Variants in STK24 observed in about 807,000 individuals in gnomAD.
STK24 encodes the protein serine/threonine-protein kinase 24.
STK24 carries 21 observed loss-of-function variants against 55.6 expected under a neutral mutation model. The observed-to-expected ratio is 0.38, with a 90% CI of 0.27 to 0.54. The LOEUF is 0.54. Ranked by LOEUF, STK24 falls within the 20% of genes least tolerant of loss-of-function variation. The pLI, the probability that STK24 is intolerant of heterozygous loss-of-function variation, is 0.79. For synonymous variants in STK24, 200 were observed against 215.2 expected (o/e 0.93, Z 0.62); for missense variants, 383 against 538.4 (o/e 0.71, Z 2.86).
chr13:98,545,727 T>C lies in STK24; in HGVS notation c.43-26254A>G, dbSNP rs11841037. 3.0e-3 allele frequency among the ~76,000 whole-genome samples: 453 copies of C among 151,460 alleles called. 2 individuals carry two copies. The highest frequency in any genetic ancestry group is 0.01 in the African/African-American group (416 of 41,262). ...TCAGTCAGTGATTAGACAACTCAAATCCATTACCCTAAATCAATATGGATA... is the reference window on the plus strand; with the variant it reads ...TCAGTCAGTGATTAGACAACTCAAACCCATTACCCTAAATCAATATGGATA... On this transcript the variant is annotated intron_variant, in intron 1 of 10. Transcript: ENST00000539966.
At chr13:98,496,464 G>C (rs1345634765) in intron 2 of STK24, among the ~76,000 whole-genome samples, 1 of 152,204 alleles carries the variant, frequency 6.6e-6, no homozygotes, top group Non-Finnish European at 1.5e-5. Context: ...CTGGGCCCCG[G>C]TGGGCTGTGG....
intron 9 of STK24, 73 bp downstream of exon 9, chr13:98,460,299 A>T (rs1411486885): frequency 7.2e-7 from 1 of 1,385,950 alleles, no homozygotes; most frequent in African/African-American, 1.4e-5. Context: ...AACTGGCAAC[A>T]TCACCACTGA....
intron 2 of STK24, among the ~76,000 whole-genome samples, chr13:98,502,679 C>T (rs940170464): frequency 4.6e-5 from 7 of 152,188 alleles, no homozygotes; most frequent in Non-Finnish European, 7.3e-5. Context: ...CTTCCCACCA[C>T]GTCATGACAC....
At chr13:98,497,543 A>T (rs903726946) in intron 2 of STK24, among the ~76,000 whole-genome samples, 2 of 152,148 alleles carry the variant, frequency 1.3e-5, no homozygotes, top group African/African-American at 2.4e-5. Context: ...CCAATCTCAC[A>T]CTGCTTACCT....
At position 98,576,674 on chromosome 13, in the gene STK24, G is replaced by A. The variant is rs1261655466; in HGVS notation, c.42+71C>T. 4.5e-6 allele frequency: 6 copies of A among 1,327,386 alleles called. No homozygotes were observed. In the South Asian group the frequency reaches 5.3e-5, roughly 12 times the overall value. The allele number at this position is 1,327,386 out of a possible 1,614,324, so 82.2% of individuals were successfully genotyped here. A position where few individuals can be genotyped will look rare whatever the true frequency, so the allele number is the denominator to read the frequency against. On this transcript the variant is annotated intron_variant, in intron 1 of 10. Coordinates refer to ENST00000539966, the MANE Select transcript of STK24 (RefSeq NM_001032296.4). ...GGCCGGCTGAGCGTAGGGGGACGCC[G>A]TGTGGATACCGCCAAGTTGCTGCTT...
At chr13:98,546,871 T>C (rs1187172601) in intron 1 of STK24, among the ~76,000 whole-genome samples, 2 of 151,144 alleles carry the variant, frequency 1.3e-5, no homozygotes, top group Admixed American at 1.3e-4. Context: ...TGAACATCTG[T>C]GTTCCCCCTT....
intron 3 of STK24, among the ~76,000 whole-genome samples, chr13:98,476,176 A>C (rs2139289976): frequency 6.6e-6 from 1 of 152,262 alleles, no homozygotes; most frequent in Non-Finnish European, 1.5e-5. Context: ...TCAGGTATCC[A>C]CATCTCCATT....
chr13:98,478,030 C>G (rs1480489592), intron 3 of STK24, among the ~76,000 whole-genome samples: 1 of 152,196 alleles, frequency 6.6e-6, no homozygotes, highest in Non-Finnish European at 1.5e-5. Flanking sequence ...AGAGATAAAA[C>G]TCTCCTTACT....
chr13:98,556,711 G>C (rs893746417), intron 1 of STK24, among the ~76,000 whole-genome samples: 2 of 152,132 alleles, frequency 1.3e-5, no homozygotes, highest in African/African-American at 4.8e-5. Flanking sequence ...AACTCACCTA[G>C]AGGCTTCTAC....
rs781173575 is a variant in STK24, at chr13:98,475,295, G to A, written c.394C>T (p.Leu132Phe). ...TTCTTCTCCGAATGGAGATAATCGA[G>A]TCCTTTCAGTATTTCTCTTAATATA... ...ATILREILKG[L>F]DYLHSEKKIH... Residue 132 changes from leucine to phenylalanine, a missense_variant, in exon 4 of 11, where the codon CTC (leucine) becomes TTC (phenylalanine). Leu to Phe is a conservative substitution (Grantham distance 22). Transcript: ENST00000539966. 3.7e-6 allele frequency: 6 copies of A among 1,613,870 alleles called. No individual in the cohort carries two copies. The highest frequency in any genetic ancestry group is 5.1e-6 in the Non-Finnish European group (6 of 1,179,898).
At chr13:98,523,900 G>A (rs766852410) in intron 1 of STK24, among the ~76,000 whole-genome samples, 8 of 152,164 alleles carry the variant, frequency 5.3e-5, no homozygotes, top group Non-Finnish European at 8.8e-5. Flanking sequence ...TTGACTCTAG[G>A]TCAGAACTGC....
At chr13:98,460,214 T>TGCTGAC (rs1566344509) in intron 9 of STK24, among the ~76,000 whole-genome samples, 158 bp downstream of exon 9, 2 of 151,460 alleles carry the variant, frequency 1.3e-5, no homozygotes, top group African/African-American at 4.9e-5. Flanking sequence ...CGCAAGGTGG[T>TGCTGAC]GCTGACAGCC....
chr13:98,518,463 C>T (rs572801926), intron 2 of STK24, among the ~76,000 whole-genome samples: 1 of 152,260 alleles, frequency 6.6e-6, no homozygotes, highest in Admixed American at 6.5e-5. Context: ...TATTTCAGAG[C>T]GTTTTTTTCC....
chr13:98,448,388 G>A lies in STK24; in HGVS notation c.*4785C>T, dbSNP rs1396124467. On this transcript the variant is annotated 3_prime_UTR_variant, in exon 11 of 11. Coordinates refer to ENST00000539966, the MANE Select transcript of STK24 (RefSeq NM_001032296.4). Reference sequence around the variant, plus strand: ...GTTTCCTTTCTTCTGTATTAATGAAGCCTGGTAAAATTAACACCTGTCTGA... The same window carrying A: ...GTTTCCTTTCTTCTGTATTAATGAAACCTGGTAAAATTAACACCTGTCTGA... 1.6e-6 allele frequency: 2 copies of A among 1,231,998 alleles called. No homozygotes were observed. Among genetic ancestry groups the A allele is most frequent in the Non-Finnish European group, 2.4e-6 (2 of 834,618 alleles). The allele number at this position is 1,231,998 out of a possible 1,614,324, so 76.3% of individuals were successfully genotyped here.
rs1262947184 is a variant in STK24 at position 98,448,274 on chromosome 13, C to T, written c.*4899G>A. The stretch of plus-strand genomic sequence containing the variant: ...ATCCGCAGTGCCACCAGCTCTGCCT[C>T]GCGACCCCACGTGTTGAGTCACAAA... On this transcript the variant is annotated 3_prime_UTR_variant, in exon 11 of 11. Coordinates refer to ENST00000539966, the MANE Select transcript of STK24 (RefSeq NM_001032296.4). 25 of 1,613,976 alleles carry T rather than the reference C, an allele frequency of 1.5e-5. No homozygotes were observed. Among genetic ancestry groups the T allele is most frequent in the African/African-American group, 8.0e-5 (6 of 74,924 alleles).
chr13:98,446,184 G>GTTC lies in STK24; in HGVS notation c.*6986_*6988dup, dbSNP rs1390774650. On this transcript the variant is annotated 3_prime_UTR_variant, in exon 11 of 11. Transcript: ENST00000539966. ...GGGTGGTGTTCACAAACTTCTGCCTGTTCTTCTACAAATCACACCAGGTAA... is the reference window on the plus strand; with the variant it reads ...GGGTGGTGTTCACAAACTTCTGCCTGTTCTTCTTCTACAAATCACACCAGGTAA... 1.9e-6 allele frequency: 3 copies of GTTC among 1,613,112 alleles called. No homozygotes were observed. Among genetic ancestry groups the GTTC allele is most frequent in the Non-Finnish European group, 2.5e-6 (3 of 1,179,118 alleles).
intron 1 of STK24, among the ~76,000 whole-genome samples, chr13:98,546,097 T>C (rs79773320): frequency 0.016 from 2,420 of 152,306 alleles, 56 homozygotes; most frequent in African/African-American, 0.054. Context: ...ATACATGAAA[T>C]TGTTCAGTTT....
At chr13:98,475,213 C>T (rs755215140) in intron 4 of STK24, 37 bp downstream of exon 4, 1 of 1,555,934 alleles carries the variant, frequency 6.4e-7, no homozygotes, top group Non-Finnish European at 8.8e-7. Context: ...CCACCACCTT[C>T]AGTATTTCAA....
chr13:98,512,564 AAAGT>A (rs201114026), intron 2 of STK24, among the ~76,000 whole-genome samples: 5,335 of 139,688 alleles, frequency 0.038, 132 homozygotes, highest in South Asian at 0.12. Context: ...AAACACACAC[AAAGT>A]AAGTTTTTTT....
Sources: gnomAD v4.1 joint callset for allele counts (sites outside exome capture counted in the v4.1 genomes callset) on GRCh38, gnomAD v4.1.1 for gene constraint, MANE v1.5 for transcripts, NCBI Gene and HGNC (gene_info 2026-07-23, HGNC 2026-07-21) for gene names.